Variants in ASIC5 observed in about 807,000 individuals in gnomAD.
ASIC5 encodes acid sensing ion channel subunit family member 5.
Under a neutral mutation model 51.2 loss-of-function variants are expected in ASIC5, and 52 were observed. The observed-to-expected ratio is 1.02, with a 90% CI of 0.81 to 1.28. ASIC5 has a LOEUF of 1.28. ASIC5 is among the 50% of genes most tolerant of loss of function. The probability of loss-of-function intolerance (pLI) is 0.00; values close to 1 mark genes in which losing one functional copy is unlikely to be tolerated. For missense variants in ASIC5, 635 were observed against 595.0 expected, an observed-to-expected ratio of 1.07 and a Z score of -0.70; for synonymous variants, 231 against 200.7, an observed-to-expected ratio of 1.15 and a Z score of -1.28.
chr4:155,845,788 T>C (rs1042880229), intron 4 of ASIC5, among the ~76,000 whole-genome samples: 1 of 152,080 alleles, frequency 6.6e-6, no homozygotes, highest in Non-Finnish European at 1.5e-5. Flanking sequence ...AGACTTTTTC[T>C]CTCTGTACCT....
chr4:155,851,135 T>A (rs796463636), intron 4 of ASIC5, among the ~76,000 whole-genome samples: 5 of 152,170 alleles, frequency 3.3e-5, no homozygotes, highest in African/African-American at 1.2e-4. Flanking sequence ...TTTGTAGATG[T>A]TCATTGCATT....
intron 4 of ASIC5, among the ~76,000 whole-genome samples, chr4:155,844,141 C>A (rs6536105): frequency 6.6e-6 from 1 of 151,904 alleles, no homozygotes; most frequent in Non-Finnish European, 1.5e-5. Flanking sequence ...CTGAGTGAAG[C>A]TGACCTGGCC....
chr4:155,854,001 G>A (rs571196907), intron 3 of ASIC5, 76 bp downstream of exon 3: 68 of 1,105,198 alleles, frequency 6.2e-5, no homozygotes, highest in Middle Eastern at 2.1e-4. Flanking sequence ...AGTAAATGCC[G>A]TGGGAGCTCA....
At chr4:155,861,330 G>C (rs371950229) in intron 2 of ASIC5, among the ~76,000 whole-genome samples, 1 of 151,856 alleles carries the variant, frequency 6.6e-6, no homozygotes, top group Non-Finnish European at 1.5e-5. Context: ...TCTCTGTCAA[G>C]TTGTTCTATT....
At chr4:155,830,734 G>A (rs560006411) in intron 9 of ASIC5, among the ~76,000 whole-genome samples, 9 of 152,016 alleles carry the variant, frequency 5.9e-5, no homozygotes, top group African/African-American at 1.2e-4. Flanking sequence ...AACTCTGTAC[G>A]CATTAAACTC....
rs752806150 is a variant in ASIC5, at chr4:155,854,320, A to G, written c.348-6T>C. ...CTACAGCATCTGTTTGGAACCTATT[A>G]GCAGGAATGAAGGCAATAGTTAGAA... On this transcript the variant is annotated splice_polypyrimidine_tract_variant and splice_region_variant and intron_variant, in intron 2 of 9. Coordinates refer to ENST00000537611, the MANE Select transcript of ASIC5 (RefSeq NM_017419.3). 9.0e-6 allele frequency: 14 copies of G among 1,549,778 alleles called. No individual in the cohort carries two copies. The highest frequency in any genetic ancestry group is 1.2e-5 in the Non-Finnish European group (13 of 1,123,264).
At chr4:155,843,430 A>G (rs1479863056) in intron 5 of ASIC5, among the ~76,000 whole-genome samples, 1 of 152,012 alleles carries the variant, frequency 6.6e-6, no homozygotes, top group African/African-American at 2.4e-5. Context: ...ACCTCTTTAT[A>G]CTTAATGACC....
chr4:155,855,856 T>A (rs1741524834), intron 2 of ASIC5, among the ~76,000 whole-genome samples: 1 of 151,978 alleles, frequency 6.6e-6, no homozygotes, highest in South Asian at 2.1e-4. Flanking sequence ...AGCTGTCTTT[T>A]ATGTGGAAAA....
In ASIC5 at chr4:155,831,824, C is replaced by G. The variant is rs770424722; in HGVS notation, c.1327G>C (p.Ala443Pro). The G allele has an allele frequency of 3.2e-6, 5 of 1,563,386 alleles. No homozygotes were observed. The highest frequency in any genetic ancestry group is 4.4e-6 in the Non-Finnish European group (5 of 1,136,106). Residue 443 changes from alanine to proline, a missense_variant and splice_region_variant, in exon 9 of 10, where the codon GCA (alanine) becomes CCA (proline). By Grantham distance (27) the Ala-to-Pro change is conservative. Transcript: ENST00000537611. ...TAAGGAGCAATTAAATAACACTTAC[C>G]AAGTAACTCAGACACACTCACCGCC... ...QKAVSVSELL[A>P]DLGGQLGLFC...
At position 155,845,884 on chromosome 4, in the gene ASIC5, A is replaced by G. The variant is rs1741229561; in HGVS notation, c.712-2054T>C. 2.6e-5 allele frequency among the ~76,000 whole-genome samples: 4 copies of G among 152,196 alleles called. No homozygotes were observed. The South Asian group carries it at 8.3e-4, about 32-fold the overall frequency. On this transcript the variant is annotated intron_variant, in intron 4 of 9. Transcript: ENST00000537611. The stretch of plus-strand genomic sequence containing the variant: ...AAGGCTATTTAGCTAACAACTGCCT[A>G]GGGTTGTAAAACAGGTTATCAAGAA...
intron 6 of ASIC5, 52 bp from the exon 7 acceptor site, chr4:155,838,921 T>C (rs1386043010): frequency 1.1e-5 from 11 of 1,007,894 alleles, no homozygotes; most frequent in Non-Finnish European, 6.0e-6. Flanking sequence ...GTAAAATAAG[T>C]GATCTAATGA....
rs764806614 is a variant in ASIC5, at chr4:155,842,185, G to A, written c.1009+22C>T. ...ACACTTAACTGTCTAGTTAAGTAAG[G>A]GGGCAGTTAGTCTTTATTTACCAGG... is the stretch of plus-strand genomic sequence containing the variant. On this transcript the variant is annotated intron_variant, in intron 6 of 9. Coordinates refer to ENST00000537611, the MANE Select transcript of ASIC5 (RefSeq NM_017419.3). The A allele has an allele frequency of 2.5e-6, 4 of 1,609,382 alleles. No individual in the cohort carries two copies. In the African/African-American group the frequency reaches 4.0e-5, roughly 16 times the overall value.
At chr4:155,845,913 G>A (rs1741230574) in intron 4 of ASIC5, among the ~76,000 whole-genome samples, 1 of 151,910 alleles carries the variant, frequency 6.6e-6, no homozygotes, top group African/African-American at 2.4e-5. Flanking sequence ...TCAAGAATCT[G>A]AATGTCTAAG....
intron 2 of ASIC5, among the ~76,000 whole-genome samples, chr4:155,859,212 A>G (rs938020692): frequency 6.6e-6 from 1 of 152,086 alleles, no homozygotes; most frequent in Admixed American, 6.6e-5. Context: ...CAACTGGAAC[A>G]GATTTTAAAA....
intron 4 of ASIC5, among the ~76,000 whole-genome samples, chr4:155,847,032 T>G (rs1201401514): frequency 6.6e-6 from 1 of 151,922 alleles, no homozygotes; most frequent in African/African-American, 2.4e-5. Flanking sequence ...AGAAATAATA[T>G]GGTAAATTTA....
At chr4:155,861,904 T>C (rs1741717185) in intron 2 of ASIC5, among the ~76,000 whole-genome samples, 1 of 152,094 alleles carries the variant, frequency 6.6e-6, no homozygotes, top group Non-Finnish European at 1.5e-5. Flanking sequence ...ACTTATGTAA[T>C]TATATTTGTA....
At chr4:155,838,940 C>A in intron 6 of ASIC5, 71 bp from the exon 7 acceptor site, 4 of 776,364 alleles carry the variant, frequency 5.2e-6, no homozygotes, top group Non-Finnish European at 8.6e-6. Context: ...GACAAAAATA[C>A]CTTTCTTACC....
rs556651178 is a variant in ASIC5 at position 155,848,001 on chromosome 4, A to G, written c.712-4171T>C. On this transcript the variant is annotated intron_variant, in intron 4 of 9. Transcript: ENST00000537611. ...CTCCTTAATAAAGATCATAAAGGTT[A>G]TAAAAGGCTTATGGAAGTTATATTT... Among the ~76,000 whole-genome samples, 5 of 152,260 alleles carry G rather than the reference A, an allele frequency of 3.3e-5. 1 individual carries two copies. Among genetic ancestry groups the G allele is most frequent in the Admixed American group, 2.0e-4 (3 of 15,280 alleles).
At chr4:155,838,749 G>A (rs1741049409) in intron 7 of ASIC5, 64 bp downstream of exon 7, 1 of 962,270 alleles carries the variant, frequency 1.0e-6, no homozygotes, top group South Asian at 1.4e-5. Context: ...TTGACTTAAT[G>A]TCTTATATTA....
Sources: allele counts gnomAD v4.1 joint callset (sites outside exome capture counted in the v4.1 genomes callset), GRCh38; gene constraint gnomAD v4.1.1; transcripts MANE v1.5; gene names NCBI Gene and HGNC (gene_info 2026-07-23, HGNC 2026-07-21).